CAMTA1: variants seen among roughly 807,000 people sequenced by gnomAD.
CAMTA1 encodes calmodulin binding transcription activator 1.
Under a neutral mutation model 170.9 loss-of-function variants are expected in CAMTA1, and 27 were observed. The ratio of observed to expected loss-of-function variants is 0.16; its 90% confidence interval spans 0.12 to 0.22. The LOEUF (loss-of-function observed/expected upper bound fraction) is 0.22, where lower values mean the gene tolerates loss of function less well. CAMTA1 is among the 10% of genes least tolerant of loss of function. CAMTA1 has a pLI of 1.00. For synonymous variants in CAMTA1, 833 were observed against 891.5 expected, an observed-to-expected ratio of 0.93 and a Z score of 1.17; for missense variants, 1,619 against 2,217.2, an observed-to-expected ratio of 0.73 and a Z score of 5.42.
intron 3 of CAMTA1, among the ~76,000 whole-genome samples, chr1:6,949,927 A>G (rs1222108203): frequency 3.9e-5 from 6 of 152,228 alleles, no homozygotes. Context: ...GGGACAGGAA[A>G]AGGCACTGAG....
chr1:7,155,195 C>A (rs971242312), intron 4 of CAMTA1, among the ~76,000 whole-genome samples: 1 of 152,130 alleles, frequency 6.6e-6, no homozygotes, highest in South Asian at 2.1e-4. Context: ...GAGGAGGCAG[C>A]ATCACTGTGG....
chr1:7,653,315 G>A (rs954402003), intron 7 of CAMTA1, among the ~76,000 whole-genome samples: 27 of 152,170 alleles, frequency 1.8e-4, no homozygotes, highest in Admixed American at 1.5e-3. Flanking sequence ...AGGCTGGAGT[G>A]CAGTGGCCCG....
At chr1:6,954,524 G>A (rs896779627) in intron 3 of CAMTA1, among the ~76,000 whole-genome samples, 6 of 152,196 alleles carry the variant, frequency 3.9e-5, no homozygotes, top group African/African-American at 1.4e-4. Flanking sequence ...TGAGGTCTGA[G>A]TTTTCCTTTG....
intron 6 of CAMTA1, among the ~76,000 whole-genome samples, chr1:7,475,716 G>A (rs1557775666): frequency 6.6e-6 from 1 of 152,242 alleles, no homozygotes; most frequent in Non-Finnish European, 1.5e-5. Flanking sequence ...CCTGGCTTTT[G>A]GTTCTCACAG....
At chr1:6,798,296 G>T (rs1385384925) in intron 1 of CAMTA1, among the ~76,000 whole-genome samples, 2 of 152,110 alleles carry the variant, frequency 1.3e-5, no homozygotes, top group African/African-American at 4.8e-5. Flanking sequence ...CCTAAAAAAG[G>T]AATATTTAAT....
At chr1:7,536,077 A>T (rs892489416) in intron 6 of CAMTA1, among the ~76,000 whole-genome samples, 2 of 152,158 alleles carry the variant, frequency 1.3e-5, no homozygotes, top group Non-Finnish European at 2.9e-5. Flanking sequence ...GTGGCATTAA[A>T]CTAAACGCTG....
At chr1:6,915,495 A>T (rs953419940) in intron 3 of CAMTA1, among the ~76,000 whole-genome samples, 2 of 152,196 alleles carry the variant, frequency 1.3e-5, no homozygotes, top group Non-Finnish European at 2.9e-5. Flanking sequence ...GAAATTTCAC[A>T]GGAAGAGAAG....
At chr1:7,488,678 C>T (rs926093207) in intron 6 of CAMTA1, among the ~76,000 whole-genome samples, 7 of 152,098 alleles carry the variant, frequency 4.6e-5, no homozygotes, top group Admixed American at 3.9e-4. Flanking sequence ...CACTTGCATA[C>T]ACACACATAT....
intron 3 of CAMTA1, among the ~76,000 whole-genome samples, chr1:6,935,572 C>T (rs895270965): frequency 1.3e-5 from 2 of 152,224 alleles, no homozygotes; most frequent in African/African-American, 4.8e-5. Context: ...TGGCGATCTC[C>T]TCCAGACCCA....
chr1:7,268,023 A>T (rs776632612), intron 5 of CAMTA1, among the ~76,000 whole-genome samples: 9 of 152,216 alleles, frequency 5.9e-5, no homozygotes, highest in Non-Finnish European at 1.0e-4. Flanking sequence ...CACTGGACAC[A>T]ATATAGGAAA....
intron 11 of CAMTA1, among the ~76,000 whole-genome samples, chr1:7,731,485 T>G (rs1177923576): frequency 6.7e-6 from 1 of 150,358 alleles, no homozygotes; most frequent in Non-Finnish European, 1.5e-5. Context: ...GGCAGGAGAA[T>G]CACTTTAACC....
intron 3 of CAMTA1, among the ~76,000 whole-genome samples, chr1:6,904,733 ATTTTTTTTTTTTTTTTTTT>A (rs70984036): frequency 1.4e-5 from 1 of 70,994 alleles, no homozygotes; most frequent in Middle Eastern, 0.016. Context: ...TGCCCAGCTA[ATTTTTTTTTTTTTTTTTTT>A]TTTTTTTTTT....
intron 11 of CAMTA1, among the ~76,000 whole-genome samples, chr1:7,708,535 ATG>A (rs2096544528): frequency 3.3e-5 from 5 of 152,230 alleles, no homozygotes; most frequent in Admixed American, 3.3e-4. Flanking sequence ...GAATGCCAGT[ATG>A]ATCTTGTGTA....
intron 5 of CAMTA1, among the ~76,000 whole-genome samples, chr1:7,317,838 A>G (rs1377266261): frequency 6.6e-6 from 1 of 152,266 alleles, no homozygotes; most frequent in Admixed American, 6.5e-5. Flanking sequence ...TTGGTTAAAA[A>G]AAATAATAAT....
chr1:7,348,346 G>A (rs1360478584), intron 5 of CAMTA1, among the ~76,000 whole-genome samples: 1 of 152,182 alleles, frequency 6.6e-6, no homozygotes, highest in Non-Finnish European at 1.5e-5. Context: ...TTGGGTTCCT[G>A]AGCAAGGAGG....
intron 6 of CAMTA1, among the ~76,000 whole-genome samples, chr1:7,610,645 G>C (rs2095517696): frequency 6.6e-6 from 1 of 152,228 alleles, no homozygotes; most frequent in Non-Finnish European, 1.5e-5. Flanking sequence ...CCATAACCCT[G>C]ACCCCAGGGA....
chr1:7,483,106 C>A (rs772164166), intron 6 of CAMTA1, among the ~76,000 whole-genome samples: 1 of 152,080 alleles, frequency 6.6e-6, no homozygotes. Flanking sequence ...CCCAGCAGCC[C>A]GAGGTCAAGG....
chr1:7,187,387 A>G (rs906324413), intron 4 of CAMTA1, among the ~76,000 whole-genome samples: 1 of 152,206 alleles, frequency 6.6e-6, no homozygotes, highest in African/African-American at 2.4e-5. Context: ...TTAACATAAA[A>G]TACACATTCT....
At chr1:7,749,925 A>G (rs2096883934) in intron 19 of CAMTA1, 1 of 375,264 alleles carries the variant, frequency 2.7e-6, no homozygotes, top group South Asian at 2.0e-5. Flanking sequence ...CAGGCCACCT[A>G]AGCACAGTTC....
Sources: allele counts gnomAD v4.1 joint callset (sites outside exome capture counted in the v4.1 genomes callset), GRCh38; gene constraint gnomAD v4.1.1; transcripts MANE v1.5; gene names NCBI Gene and HGNC (gene_info 2026-07-23, HGNC 2026-07-21).